Variants in FNIP2 observed in about 807,000 individuals in gnomAD.
The protein encoded by FNIP2 is folliculin interacting protein 2, also known as folliculin-interacting protein 2.
Under a neutral mutation model 108.7 loss-of-function variants are expected in FNIP2, and 32 were observed. The ratio of observed to expected loss-of-function variants is 0.29; its 90% CI spans 0.22 to 0.40. The LOEUF is 0.40. Among genes scored for constraint, FNIP2 ranks in the 10% least tolerant of loss-of-function variants. FNIP2 has a pLI of 1.00. For missense variants in FNIP2, 1,202 were observed against 1,381.6 expected (o/e 0.87, Z 2.06); for synonymous variants, 480 against 496.7 (o/e 0.97, Z 0.45).
chr4:158,872,540 C>T (rs1469359874), intron 14 of FNIP2: 1 of 985,166 alleles, frequency 1.0e-6, no homozygotes, highest in Admixed American at 6.2e-5. Context: ...GTGGGTACAT[C>T]CAAAGTGCAG....
chr4:158,770,031 G>A (rs1398102405), intron 1 of FNIP2, among the ~76,000 whole-genome samples: 2 of 152,114 alleles, frequency 1.3e-5, no homozygotes, highest in African/African-American at 4.8e-5. Flanking sequence ...GTTGATTTCT[G>A]TCGTTTACTT....
intron 1 of FNIP2, among the ~76,000 whole-genome samples, chr4:158,817,057 A>G (rs62353970): frequency 0.046 from 7,029 of 152,238 alleles, 224 homozygotes; most frequent in Non-Finnish European, 0.069. Context: ...CCTGGATTCA[A>G]GCGATCCTCC....
At position 158,907,804 on chromosome 4, in the gene FNIP2, T is replaced by C. The variant is rs1266412290; in HGVS notation, c.*3260T>C. 2 of 152,192 alleles carry C rather than the reference T, an allele frequency of 1.3e-5. No homozygotes were observed. The highest frequency in any genetic ancestry group is 2.9e-5 in the Non-Finnish European group (2 of 68,030). The allele number at this position is 152,192 out of a possible 1,614,324, so 9.4% of individuals were successfully genotyped here. A position where few individuals can be genotyped will look rare whatever the true frequency, so the allele number is the denominator to read the frequency against. The stretch of plus-strand genomic sequence containing the variant: ...ATGTTAATTTTTAAATGTCAAAATA[T>C]GATGAACGATATATCTTGAAAGTGA... On this transcript the variant is annotated 3_prime_UTR_variant, in exon 17 of 17. Transcript: ENST00000264433.
intron 3 of FNIP2, among the ~76,000 whole-genome samples, chr4:158,829,939 C>CT (rs1778375148): frequency 6.6e-6 from 1 of 152,244 alleles, no homozygotes; most frequent in Admixed American, 6.5e-5. Context: ...GTCTGGAGAA[C>CT]TTTGTTTTTT....
At chr4:158,895,963 C>T (rs1782633301) in intron 16 of FNIP2, 98 bp downstream of exon 16, 1 of 819,178 alleles carries the variant, frequency 1.2e-6, no homozygotes, top group Admixed American at 2.1e-5. Flanking sequence ...AACCTCAGGC[C>T]CTGGTAACCC....
chr4:158,775,264 C>A (rs1053146403), intron 1 of FNIP2, among the ~76,000 whole-genome samples: 5 of 152,202 alleles, frequency 3.3e-5, no homozygotes, highest in Admixed American at 6.5e-5. Flanking sequence ...ATTGTACAAG[C>A]CCCTTGCTTA....
At chr4:158,876,144 A>C (rs1304010627) in intron 14 of FNIP2, among the ~76,000 whole-genome samples, 2 of 152,366 alleles carry the variant, frequency 1.3e-5, no homozygotes, top group African/African-American at 4.8e-5. Context: ...GGGTATCCCC[A>C]ACTCCAATCT....
chr4:158,801,891 G>A (rs1776775887), intron 1 of FNIP2, among the ~76,000 whole-genome samples: 1 of 152,160 alleles, frequency 6.6e-6, no homozygotes, highest in East Asian at 1.9e-4. Flanking sequence ...CCATGGTCAT[G>A]TTTCTGAAAA....
chr4:158,790,125 G>T (rs559879517), intron 1 of FNIP2, among the ~76,000 whole-genome samples: 1 of 151,724 alleles, frequency 6.6e-6, no homozygotes, highest in Non-Finnish European at 1.5e-5. Context: ...GTATATGAAA[G>T]AAACATAAGT....
intron 10 of FNIP2, 94 bp downstream of exon 10, chr4:158,859,760 C>A: frequency 9.6e-7 from 1 of 1,040,208 alleles, no homozygotes; most frequent in Non-Finnish European, 1.5e-6. Flanking sequence ...GGGGGCCTGG[C>A]AGTTATTCCT....
At chr4:158,851,925 G>A (rs989545620) in intron 8 of FNIP2, among the ~76,000 whole-genome samples, 1 of 152,154 alleles carries the variant, frequency 6.6e-6, no homozygotes, top group African/African-American at 2.4e-5. Flanking sequence ...TGGCATCTAG[G>A]TATTTTCTGT....
At chr4:158,838,909 T>A (rs1375533411) in intron 7 of FNIP2, among the ~76,000 whole-genome samples, 9 of 152,234 alleles carry the variant, frequency 5.9e-5, no homozygotes, top group Non-Finnish European at 5.9e-5. Flanking sequence ...AGGTATTTTG[T>A]AGATTGCCCC....
At chr4:158,840,482 G>A (rs1779065884) in intron 7 of FNIP2, among the ~76,000 whole-genome samples, 2 of 151,870 alleles carry the variant, frequency 1.3e-5, no homozygotes, top group Non-Finnish European at 1.5e-5. Context: ...TGCAACCTCC[G>A]TCTCCCAGGT....
intron 6 of FNIP2, chr4:158,834,790 A>G (rs1778707214): frequency 6.6e-6 from 1 of 152,418 alleles, no homozygotes; most frequent in South Asian, 2.1e-4. Flanking sequence ...TGTTTTCCAC[A>G]GTTCATGCCA....
chr4:158,797,278 G>T (rs1776619710), intron 1 of FNIP2, among the ~76,000 whole-genome samples: 1 of 152,150 alleles, frequency 6.6e-6, no homozygotes, highest in African/African-American at 2.4e-5. Flanking sequence ...CCTCTACATA[G>T]ATTTCCTTTA....
chr4:158,816,327 G>A (rs558066571), intron 1 of FNIP2, among the ~76,000 whole-genome samples: 31 of 152,112 alleles, frequency 2.0e-4, no homozygotes, highest in African/African-American at 7.2e-4. Context: ...AATTTATTCC[G>A]TTGTCTATTA....
chr4:158,859,101 C>G lies in FNIP2; in HGVS notation c.902C>G (p.Ser301Cys), dbSNP rs767016483. ...TFSLAEETCS[S>C]NPAMVRRKKI... ...AGCTTGGCTGAAGAAACCTGTAGCT[C>G]TAATCCAGCTATGGTTAGGAGGAAG... The change falls in exon 9 of 17, where the codon TCT (serine) becomes TGT (cysteine). Residue 301 changes from serine (S) to cysteine (C), a missense_variant. By Grantham distance (112) the Ser-to-Cys change is moderately radical. Transcript: ENST00000264433. The G allele has an allele frequency of 1.9e-6, 3 of 1,613,856 alleles. No individual in the cohort carries two copies. Among genetic ancestry groups the G allele is most frequent in the Non-Finnish European group, 2.5e-6 (3 of 1,179,876 alleles).
chr4:158,831,817 T>C (rs1778500486), intron 3 of FNIP2, 44 bp from the exon 4 acceptor site: 1 of 1,258,238 alleles, frequency 7.9e-7, no homozygotes, highest in Non-Finnish European at 1.2e-6. Flanking sequence ...GCATTGCATG[T>C]CATGTTCCAT....
At chr4:158,889,754 C>G in intron 14 of FNIP2, 6 of 904,748 alleles carry the variant, frequency 6.6e-6, no homozygotes, top group Non-Finnish European at 7.9e-6. Context: ...AAATGCAAAG[C>G]AGTGAAGGAG....
Sources: allele counts gnomAD v4.1 joint callset (sites outside exome capture counted in the v4.1 genomes callset), GRCh38; gene constraint gnomAD v4.1.1; transcripts MANE v1.5; gene names NCBI Gene and HGNC (gene_info 2026-07-23, HGNC 2026-07-21).